The following PCDHB7 variants were observed in gnomAD, a reference collection of about 807,000 sequenced individuals.
PCDHB7 encodes the protein protocadherin beta-7.
For synonymous variants in PCDHB7, 542 were observed against 463.1 expected (o/e 1.17, Z -2.19); for missense variants, 1,148 against 1,011.6 (o/e 1.13, Z -1.83).
chr5:141,174,536 C>G lies in PCDHB7; in HGVS notation c.1701C>G (p.Asn567Lys), dbSNP rs13189269. Residue 567 changes from asparagine (N) to lysine (K), a missense_variant, in exon 1 of 1, where the codon AAC becomes AAG. Asn to Lys is a moderately conservative substitution (Grantham distance 94, BLOSUM62 0). Transcript: ENST00000231137. ...CCTTCGTGCTGTACCCGCTGCAGAA[C>G]AGCTCCGCGCCCTGCACCGAGCCGT... is the stretch of plus-strand genomic sequence containing the variant. ...NSPFVLYPLQ[N>K]SSAPCTEPLP... The G allele has an allele frequency of 3.6e-5, 58 of 1,606,708 alleles. 1 individual carries two copies. The highest frequency in any genetic ancestry group is 4.8e-5 in the Non-Finnish European group (56 of 1,177,926).
At position 141,175,512 on chromosome 5, in the gene PCDHB7, A is replaced by T; in HGVS notation, c.*295A>T. 1 of 414,018 alleles carries T rather than the reference A, an allele frequency of 2.4e-6. No individual in the cohort carries two copies. The highest frequency in any genetic ancestry group is 4.2e-5 in the Admixed American group (1 of 23,714). 25.6% of individuals were successfully genotyped at this position (414,018 alleles called of 1,614,324 possible). On this transcript the variant is annotated 3_prime_UTR_variant, in exon 1 of 1. Transcript: ENST00000231137. ...TTTCCATTGTTTTCAATCTCTACTG[A>T]GACTTCCTGAGTTGATTAGAAAGCT...
At position 141,173,642 on chromosome 5, in the gene PCDHB7, A is replaced by C. The variant is rs1289961903; in HGVS notation, c.807A>C (p.Leu269Phe). 1 of 1,614,196 alleles carries C rather than the reference A, an allele frequency of 6.2e-7. No individual in the cohort carries two copies. Among genetic ancestry groups the C allele is most frequent in the Non-Finnish European group, 8.5e-7 (1 of 1,180,036 alleles). Residue 269 changes from leucine (L) to phenylalanine (F), a missense_variant, in exon 1 of 1, where the codon TTA (leucine) becomes TTC (phenylalanine). Transcript: ENST00000231137. Reference protein sequence around the residue: ...SMVVSVSARDLDTGSNGEIAY... With the variant: ...SMVVSVSARDFDTGSNGEIAY... ...TTGTCTCCGTGTCAGCCAGAGATTTAGATACCGGAAGTAATGGGGAAATAG... is the reference window on the plus strand; with the variant it reads ...TTGTCTCCGTGTCAGCCAGAGATTTCGATACCGGAAGTAATGGGGAAATAG...
At position 141,173,576 on chromosome 5, in the gene PCDHB7, C is replaced by A. The variant is rs1753270916; in HGVS notation, c.741C>A (p.Tyr247Ter). ...DNAPDFVRSL[Y>*]KVQVPENSPV... ...CCCCTGATTTTGTGCGGTCGCTCTA[C>A]AAGGTGCAGGTGCCCGAAAATAGCC... The change falls in exon 1 of 1, where the codon TAC becomes TAA. Residue 247 changes from tyrosine (Y) to a stop codon, truncating the protein, a stop_gained. Coordinates refer to ENST00000231137, the MANE Select transcript of PCDHB7 (RefSeq NM_018940.4). LOFTEE classifies it low-confidence loss of function (END_TRUNC). 2 of 1,614,074 alleles carry A rather than the reference C, an allele frequency of 1.2e-6. No homozygotes were observed. The highest frequency in any genetic ancestry group is 4.5e-5 in the East Asian group (2 of 44,880).
rs1753335542 is a variant in PCDHB7 at position 141,174,832 on chromosome 5, TC to T, written c.1998del (p.Ser667ProfsTer71). On this transcript the variant is annotated frameshift_variant, in exon 1 of 1. Transcript: ENST00000231137. LOFTEE classifies it low-confidence loss of function (END_TRUNC). ...ATLHVLLVDG[F>X]SQPYLRLPEA... ...CTGCACGTGCTCCTGGTGGACGGCT[TC>T]TCCCAGCCCTACCTGCGGCTCCCGG... 6.2e-7 allele frequency: 1 copy of T among 1,612,250 alleles called. No homozygotes were observed. The highest frequency in any genetic ancestry group is 1.7e-5 in the Admixed American group (1 of 59,990).
In PCDHB7 at chr5:141,175,447, T is replaced by G. The variant is rs1376737132; in HGVS notation, c.*230T>G. 4 of 582,324 alleles carry G rather than the reference T, an allele frequency of 6.9e-6. No homozygotes were observed. The Admixed American group carries it at 1.1e-4, about 15-fold the overall frequency. 36.1% of individuals were successfully genotyped at this position (582,324 alleles called of 1,614,324 possible). A position where few individuals can be genotyped will look rare whatever the true frequency, so the allele number is the denominator to read the frequency against. ...TCAAACAATTATGCTTAATATACAG[T>G]CTATTAAATGTAAGTCTTGTTTGAG... On this transcript the variant is annotated 3_prime_UTR_variant, in exon 1 of 1. Coordinates refer to ENST00000231137, the MANE Select transcript of PCDHB7 (RefSeq NM_018940.4).
At position 141,173,521 on chromosome 5, in the gene PCDHB7, G is replaced by T. The variant is rs1554280018; in HGVS notation, c.686G>T (p.Arg229Leu). 6.2e-7 allele frequency: 1 copy of T among 1,613,784 alleles called. No homozygotes were observed. The highest frequency in any genetic ancestry group is 8.5e-7 in the Non-Finnish European group (1 of 1,179,774). The stretch of plus-strand genomic sequence containing the variant: ...CCAAGATCAGGGACCGCCCTCGTGC[G>T]CATTCTGGTTCTAGACGTAAATGAC... The part of the protein sequence containing the change: ...SPPRSGTALV[R>L]ILVLDVNDNA... Residue 229 changes from arginine (R) to leucine (L), a missense_variant, in exon 1 of 1, where the codon CGC becomes CTC. Transcript: ENST00000231137.
At position 141,174,651 on chromosome 5, in the gene PCDHB7, C is replaced by T; in HGVS notation, c.1816C>T (p.Leu606=). The T allele has an allele frequency of 6.2e-7, 1 of 1,610,434 alleles. No individual in the cohort carries two copies. Among genetic ancestry groups the T allele is most frequent in the Admixed American group, 1.7e-5 (1 of 60,014 alleles). ...SGQNAWLSYQ[L]LKATEPGLFG... is the part of the protein sequence containing the mutation. The stretch of plus-strand genomic sequence containing the variant: ...CCAGAACGCCTGGCTGTCGTACCAG[C>T]TGCTCAAGGCCACGGAGCCCGGGCT... Residue 606 remains leucine, a synonymous_variant, in exon 1 of 1, where the codon CTG becomes TTG. Transcript: ENST00000231137.
At position 141,173,917 on chromosome 5, in the gene PCDHB7, C is replaced by G; in HGVS notation, c.1082C>G (p.Pro361Arg). The G allele has an allele frequency of 3.7e-6, 6 of 1,612,632 alleles. No homozygotes were observed. The highest frequency in any genetic ancestry group is 3.4e-6 in the Non-Finnish European group (4 of 1,178,824). The stretch of plus-strand genomic sequence containing the variant: ...ACTAGCCCAATTGCAGAAAACTCAC[C>G]CGAGACAGTCGTGGCTGTTTTTAGG... ...SLTSPIAENS[P>R]ETVVAVFRIR... The change falls in exon 1 of 1, where the codon CCC (proline) becomes CGC (arginine). Residue 361 changes from proline to arginine, a missense_variant. Transcript: ENST00000231137.
chr5:141,174,016 A>C lies in PCDHB7; in HGVS notation c.1181A>C (p.Lys394Thr). The change falls in exon 1 of 1, where the codon AAG becomes ACG. Residue 394 changes from lysine to threonine, a missense_variant. Transcript: ENST00000231137. ...CAGGACGATGTCCCCTTCATCCTGA[A>C]GCCATCTGTCGAAAACTTCTATACT... Reference protein sequence around the residue: ...SIQDDVPFILKPSVENFYTLV... With the variant: ...SIQDDVPFILTPSVENFYTLV... 6.2e-7 allele frequency: 1 copy of C among 1,614,218 alleles called. No homozygotes were observed. Among genetic ancestry groups the C allele is most frequent in the South Asian group, 1.1e-5 (1 of 91,078 alleles).
At position 141,174,235 on chromosome 5, in the gene PCDHB7, C is replaced by T. The variant is rs782790674; in HGVS notation, c.1400C>T (p.Ala467Val). The T allele has an allele frequency of 6.2e-7, 1 of 1,613,232 alleles. No homozygotes were observed. The highest frequency in any genetic ancestry group is 8.5e-7 in the Non-Finnish European group (1 of 1,180,030). ...TLFVRENNSP[A>V]LPIGSVSATD... Reference sequence around the variant, plus strand: ...TTTGTCCGTGAGAACAACAGCCCCGCCCTGCCCATCGGCAGTGTCAGCGCC... The same window carrying T: ...TTTGTCCGTGAGAACAACAGCCCCGTCCTGCCCATCGGCAGTGTCAGCGCC... The change falls in exon 1 of 1, where the codon GCC (alanine) becomes GTC (valine). Residue 467 changes from alanine to valine, a missense_variant. Transcript: ENST00000231137.
At position 141,175,362 on chromosome 5, in the gene PCDHB7, C is replaced by G. The variant is rs1312065074; in HGVS notation, c.*145C>G. On this transcript the variant is annotated 3_prime_UTR_variant, in exon 1 of 1. Transcript: ENST00000231137. ...TAAATTTCTATACATAAAATAGGAT[C>G]CTGATTTAGTATCAAGAACCCTTCA... The G allele has an allele frequency of 2.1e-6, 2 of 958,212 alleles. No homozygotes were observed. Among genetic ancestry groups the G allele is most frequent in the African/African-American group, 3.5e-5 (2 of 57,094 alleles). 59.4% of individuals were successfully genotyped at this position (958,212 alleles called of 1,614,324 possible). A position where few individuals can be genotyped will look rare whatever the true frequency, so the allele number is the denominator to read the frequency against.
At position 141,174,242 on chromosome 5, in the gene PCDHB7, C is replaced by T. The variant is rs1469776265; in HGVS notation, c.1407C>T (p.Pro469=). Residue 469 remains proline, a synonymous_variant, in exon 1 of 1, where the codon CCC becomes CCT. Transcript: ENST00000231137. ...FVRENNSPAL[P]IGSVSATDRD... ...GTGAGAACAACAGCCCCGCCCTGCC[C>T]ATCGGCAGTGTCAGCGCCACAGACA... 6.2e-7 allele frequency: 1 copy of T among 1,612,676 alleles called. No individual in the cohort carries two copies. The highest frequency in any genetic ancestry group is 2.2e-5 in the East Asian group (1 of 44,884).
In PCDHB7 at chr5:141,172,930, G is replaced by C. The variant is rs2149651861; in HGVS notation, c.95G>C (p.Arg32Pro). ...TCTTGGGCTGGCGCCGAACCGCTTC[G>C]GTATTTTGTGGCGGAGGAAACCGAG... ...GMSWAGAEPL[R>P]YFVAEETERG... The change falls in exon 1 of 1, where the codon CGG (arginine) becomes CCG (proline). Residue 32 changes from arginine to proline, a missense_variant. Physicochemically the swap from Arg to Pro is moderately radical, Grantham distance 103 (BLOSUM62 -2). Coordinates refer to ENST00000231137, the MANE Select transcript of PCDHB7 (RefSeq NM_018940.4). The C allele has an allele frequency of 6.2e-7, 1 of 1,614,176 alleles. No homozygotes were observed. Among genetic ancestry groups the C allele is most frequent in the East Asian group, 2.2e-5 (1 of 44,886 alleles).
rs1554279893 is a variant in PCDHB7, at chr5:141,173,049, A to G, written c.214A>G (p.Met72Val). ...RGTRIVSDQNMQILLLSSLTG... is the reference protein window; with the variant it reads ...RGTRIVSDQNVQILLLSSLTG... ...AACTAGAATTGTTTCAGACCAGAAC[A>G]TGCAAATTTTACTGCTCAGTTCGCT... The change falls in exon 1 of 1, where the codon ATG (methionine) becomes GTG (valine). Residue 72 changes from methionine (M) to valine (V), a missense_variant. Physicochemically the swap from Met to Val is conservative, Grantham distance 21. Transcript: ENST00000231137. 1 of 1,614,234 alleles carries G rather than the reference A, an allele frequency of 6.2e-7. No homozygotes were observed. Among genetic ancestry groups the G allele is most frequent in the South Asian group, 1.1e-5 (1 of 91,084 alleles).
rs370975099 is a variant in PCDHB7 at position 141,174,181 on chromosome 5, C to G, written c.1346C>G (p.Pro449Arg). 3 of 1,613,588 alleles carry G rather than the reference C, an allele frequency of 1.9e-6. No homozygotes were observed. Among genetic ancestry groups the G allele is most frequent in the Middle Eastern group, 1.8e-4 (1 of 5,574 alleles). Residue 449 changes from proline to arginine, a missense_variant, in exon 1 of 1, where the codon CCC becomes CGC. Coordinates refer to ENST00000231137, the MANE Select transcript of PCDHB7 (RefSeq NM_018940.4). Reference sequence around the variant, plus strand: ...GTCTCCGACGTCAATGACAACGCTCCCGCCTTCACCCAAACCTCCTACACC... The same window carrying G: ...GTCTCCGACGTCAATGACAACGCTCGCGCCTTCACCCAAACCTCCTACACC... ...VLVSDVNDNA[P>R]AFTQTSYTLF...
chr5:141,173,666 A>C lies in PCDHB7; in HGVS notation c.831A>C (p.Ile277=). The change falls in exon 1 of 1, where the codon ATA becomes ATC. Residue 277 remains isoleucine, a synonymous_variant. Coordinates refer to ENST00000231137, the MANE Select transcript of PCDHB7 (RefSeq NM_018940.4). The part of the protein sequence containing the change: ...RDLDTGSNGE[I]AYAFSYATER... Reference sequence around the variant, plus strand: ...TAGATACCGGAAGTAATGGGGAAATAGCCTATGCATTTTCTTACGCCACTG... The same window carrying C: ...TAGATACCGGAAGTAATGGGGAAATCGCCTATGCATTTTCTTACGCCACTG... The C allele has an allele frequency of 1.9e-6, 3 of 1,614,218 alleles. No individual in the cohort carries two copies. The highest frequency in any genetic ancestry group is 2.5e-6 in the Non-Finnish European group (3 of 1,180,040).
chr5:141,175,073 C>G lies in PCDHB7; in HGVS notation c.2238C>G (p.Ser746Arg), dbSNP rs1753347970. The change falls in exon 1 of 1, where the codon AGC becomes AGG. Residue 746 changes from serine (S) to arginine (R), a missense_variant. Coordinates refer to ENST00000231137, the MANE Select transcript of PCDHB7 (RefSeq NM_018940.4). Reference protein sequence around the residue: ...DLSGTGTLSQSYQYEVCLTGG... With the variant: ...DLSGTGTLSQRYQYEVCLTGG... ...GCGGCACCGGGACCCTATCCCAGAGCTACCAGTATGAGGTGTGCCTGACTG... is the reference window on the plus strand; with the variant it reads ...GCGGCACCGGGACCCTATCCCAGAGGTACCAGTATGAGGTGTGCCTGACTG... 2 of 1,614,262 alleles carry G rather than the reference C, an allele frequency of 1.2e-6. No homozygotes were observed. Among genetic ancestry groups the G allele is most frequent in the East Asian group, 4.5e-5 (2 of 44,880 alleles).
rs1477997983 is a variant in PCDHB7, at chr5:141,174,544, C to T, written c.1709C>T (p.Ala570Val). Residue 570 changes from alanine (A) to valine (V), a missense_variant, in exon 1 of 1, where the codon GCG (alanine) becomes GTG (valine). By Grantham distance (64) the Ala-to-Val change is moderately conservative. Coordinates refer to ENST00000231137, the MANE Select transcript of PCDHB7 (RefSeq NM_018940.4). The part of the protein sequence containing the change: ...FVLYPLQNSS[A>V]PCTEPLPRAA... The stretch of plus-strand genomic sequence containing the variant: ...CTGTACCCGCTGCAGAACAGCTCCG[C>T]GCCCTGCACCGAGCCGTTGCCCCGG... The T allele has an allele frequency of 3.1e-6, 5 of 1,609,992 alleles. No homozygotes were observed. Among genetic ancestry groups the T allele is most frequent in the Non-Finnish European group, 4.2e-6 (5 of 1,179,630 alleles).
rs1753370559 is a variant in PCDHB7 at position 141,175,917 on chromosome 5, G to A, written c.*700G>A. 1.2e-5 allele frequency: 2 copies of A among 167,090 alleles called. No homozygotes were observed. Among genetic ancestry groups the A allele is most frequent in the South Asian group, 2.1e-4 (1 of 4,828 alleles). 10.4% of individuals were successfully genotyped at this position (167,090 alleles called of 1,614,324 possible). On this transcript the variant is annotated 3_prime_UTR_variant, in exon 1 of 1. Transcript: ENST00000231137. ...CTTTTCTATATTTAGAAATAATAAT[G>A]TACATATTTATCTATGGTTTTATTT...
Sources: allele counts gnomAD v4.1 joint callset, GRCh38; gene constraint gnomAD v4.1.1; transcripts MANE v1.5; gene names NCBI Gene and HGNC (gene_info 2026-07-23, HGNC 2026-07-21).